The following JAK3 variants were observed in gnomAD, a reference collection of about 807,000 sequenced individuals.
The protein encoded by JAK3 is tyrosine-protein kinase JAK3.
Under a neutral mutation model 120.8 loss-of-function variants are expected in JAK3, and 88 were observed. That is an observed-to-expected ratio of 0.73 (90% confidence interval 0.61 to 0.87). JAK3 has a LOEUF of 0.87. Among genes scored for constraint, JAK3 ranks in the 40% least tolerant of loss-of-function variants. The pLI, the probability that JAK3 is intolerant of heterozygous loss-of-function variation, is 0.00. For synonymous variants in JAK3, 592 were observed against 628.6 expected (o/e 0.94, Z 0.87); for missense variants, 1,254 against 1,501.4 (o/e 0.84, Z 2.72).
rs1463817921 is a variant in JAK3, at chr19:17,825,898, CT to C, written c.*844del. The C allele has an allele frequency of 6.4e-5, 5 of 77,736 alleles. No individual in the cohort carries two copies. Among genetic ancestry groups the C allele is most frequent in the Admixed American group, 1.4e-4 (1 of 7,366 alleles). The allele number at this position is 77,736 out of a possible 1,614,324, so 4.8% of individuals were successfully genotyped here. A position where few individuals can be genotyped will look rare whatever the true frequency, so the allele number is the denominator to read the frequency against. ...CCTGGGCGACAGAGCGAGACTCCGTCTCAAAAAAAAAAAAAAAAAAAAAGCT... is the reference window on the plus strand; with the variant it reads ...CCTGGGCGACAGAGCGAGACTCCGTCCAAAAAAAAAAAAAAAAAAAAAGCT... On this transcript the variant is annotated 3_prime_UTR_variant, in exon 24 of 24. Transcript: ENST00000458235.
At chr19:17,830,877 AG>A (rs1326387871) in intron 21 of JAK3, among the ~76,000 whole-genome samples, 1 of 6,412 alleles carries the variant, frequency 1.6e-4, no homozygotes. Context: ...GAGCCGTGGG[AG>A]GGGGAGGGGC....
chr19:17,832,786 T>G lies in JAK3; in HGVS notation c.2490+4A>C, dbSNP rs745806475. The G allele has an allele frequency of 3.5e-5, 57 of 1,614,128 alleles. No homozygotes were observed. In the Admixed American group the frequency reaches 9.3e-4, roughly 26 times the overall value. On this transcript the variant is annotated splice_donor_region_variant and intron_variant, in intron 18 of 23. Transcript: ENST00000458235. This position sits in a 1 kb window ranked among gnomAD's most constrained non-coding sequence, Gnocchi z 4.7. ...CCAACCCACCCTGGCCCTGCCCACC[T>G]TACCTTGCCCAGCTGTGAGATGTAC...
chr19:17,844,598 A>G, intron 1 of JAK3, 168 bp from the exon 2 acceptor site: 1 of 621,472 alleles, frequency 1.6e-6, no homozygotes. Context: ...CAGGAGTTTG[A>G]GACCTGCCTG....
chr19:17,825,326 T>C lies in JAK3; in HGVS notation c.*1417A>G, dbSNP rs1555742271. The C allele has an allele frequency of 4.4e-6, 1 of 227,448 alleles. No individual in the cohort carries two copies. The allele number at this position is 227,448 out of a possible 1,614,324, so 14.1% of individuals were successfully genotyped here. A position where few individuals can be genotyped will look rare whatever the true frequency, so the allele number is the denominator to read the frequency against. ...CCAGGAATGCCTTTCCTTCCCTTGA[T>C]TGCGTGAAAAGTTCCTGCCAGGTTT... On this transcript the variant is annotated 3_prime_UTR_variant, in exon 24 of 24. Transcript: ENST00000458235.
In JAK3 at chr19:17,837,201, C is replaced by T; in HGVS notation, c.1714G>A (p.Ala572Thr). 1 of 1,568,784 alleles carries T rather than the reference C, an allele frequency of 6.4e-7. No individual in the cohort carries two copies. The highest frequency in any genetic ancestry group is 8.6e-7 in the Non-Finnish European group (1 of 1,156,246). The change falls in exon 13 of 24, where the codon GCA becomes ACA. Residue 572 changes from alanine (A) to threonine (T), a missense_variant. Ala to Thr is a moderately conservative substitution (Grantham distance 58, BLOSUM62 0). This residue lies in a region of JAK3 where 630 missense variants were observed against 819.8 expected (regional missense o/e 0.77). Coordinates refer to ENST00000458235, the MANE Select transcript of JAK3 (RefSeq NM_000215.4). ...GACACTTGGCTCATCAAGCTCGCTGCTTCCAGGAATGACTGGGGAAGGTGG... is the reference window on the plus strand; with the variant it reads ...GACACTTGGCTCATCAAGCTCGCTGTTTCCAGGAATGACTGGGGAAGGTGG... ...HKNCMESFLE[A>T]ASLMSQVSYR...
Position 17,834,643 on chromosome 19 carries a change from T to C in JAK3, c.2278A>G (p.Met760Val), listed in dbSNP as rs747724153. 6.3e-7 allele frequency: 1 copy of C among 1,599,054 alleles called. No homozygotes were observed. The highest frequency in any genetic ancestry group is 1.1e-5 in the South Asian group (1 of 90,782). ...GGCCTCTGGACCGGCTCATAGGCCA[T>C]GCACTGTTGAATCAGCAGGGCCAGC... ...TELALLIQQC[M>V]AYEPVQRPSF... Residue 760 changes from methionine (M) to valine (V), a missense_variant, in exon 17 of 24, where the codon ATG becomes GTG. This residue lies in a region of JAK3 where 630 missense variants were observed against 819.8 expected (regional missense o/e 0.77). Transcript: ENST00000458235.
intron 12 of JAK3, 70 bp downstream of exon 12, chr19:17,837,862 A>G (rs1277349007): frequency 2.5e-6 from 4 of 1,606,776 alleles, no homozygotes; most frequent in Non-Finnish European, 3.4e-6. Flanking sequence ...GTGTTTTTAA[A>G]TTTCTCTGCA....
At chr19:17,838,213 G>A in intron 11 of JAK3, 50 bp downstream of exon 11, 1 of 1,613,506 alleles carries the variant, frequency 6.2e-7, no homozygotes, top group Non-Finnish European at 8.5e-7. Flanking sequence ...ACGCATCTGA[G>A]TCTCTGGACC....
rs2094203954 is a variant in JAK3, at chr19:17,826,403, A to G, written c.*340T>C. 4 of 308,664 alleles carry G rather than the reference A, an allele frequency of 1.3e-5. No individual in the cohort carries two copies. The highest frequency in any genetic ancestry group is 6.3e-5 in the African/African-American group (3 of 47,480). 19.1% of individuals were successfully genotyped at this position (308,664 alleles called of 1,614,324 possible). On this transcript the variant is annotated 3_prime_UTR_variant, in exon 24 of 24. Transcript: ENST00000458235. The stretch of plus-strand genomic sequence containing the variant: ...CTGTCTCAAAAATAAAAATAAAAAT[A>G]AAAAAAATAAAAAGAGAGAGACAGA...
Position 17,826,590 on chromosome 19 carries a change from G to T in JAK3, c.*153C>A. 1 of 829,920 alleles carries T rather than the reference G, an allele frequency of 1.2e-6. No homozygotes were observed. Among genetic ancestry groups the T allele is most frequent in the Non-Finnish European group, 2.1e-6 (1 of 481,862 alleles). 51.4% of individuals were successfully genotyped at this position (829,920 alleles called of 1,614,324 possible). A position where few individuals can be genotyped will look rare whatever the true frequency, so the allele number is the denominator to read the frequency against. On this transcript the variant is annotated 3_prime_UTR_variant, in exon 24 of 24. Transcript: ENST00000458235. Reference sequence around the variant, plus strand: ...TGCAAAGGCCACAGGCTATTCTACAGGCCACGGGAGCCCCCCCAAATGCAA... The same window carrying T: ...TGCAAAGGCCACAGGCTATTCTACATGCCACGGGAGCCCCCCCAAATGCAA...
At chr19:17,830,895 T>G (rs1599866656) in intron 21 of JAK3, among the ~76,000 whole-genome samples, 1 of 2,850 alleles carries the variant, frequency 3.5e-4, no homozygotes, top group South Asian at 7.6e-3. Flanking sequence ...GGGCCAGAAC[T>G]GGGCGGGGGG....
At chr19:17,846,456 G>A (rs1325932240) in intron 1 of JAK3, among the ~76,000 whole-genome samples, 2 of 152,128 alleles carry the variant, frequency 1.3e-5, no homozygotes, top group African/African-American at 2.4e-5. Context: ...TCCTAGTCCC[G>A]GGAACCTTGG....
chr19:17,843,848 G>A lies in JAK3; in HGVS notation c.237C>T (p.Ser79=). The stretch of plus-strand genomic sequence containing the variant: ...AGATGTGGCTCGGGGGGAACCAGCA[G>A]GACAGGTCCTCCGTGGCCAGAGCAA... ...SLFALATEDL[S]CWFPPSHIFS... is the part of the protein sequence containing the mutation. The change falls in exon 3 of 24, where the codon TCC becomes TCT. Residue 79 remains serine (S), a synonymous_variant. Transcript: ENST00000458235. The surrounding 1 kb of genome is among the most constrained non-coding windows in gnomAD (Gnocchi z 5.4). The A allele has an allele frequency of 1.2e-6, 2 of 1,613,524 alleles. No homozygotes were observed. The highest frequency in any genetic ancestry group is 1.7e-6 in the Non-Finnish European group (2 of 1,179,972).
rs199830351 is a variant in JAK3, at chr19:17,832,505, G to A, written c.2680+14C>T. The A allele has an allele frequency of 1.1e-5, 18 of 1,613,790 alleles. No homozygotes were observed. Among genetic ancestry groups the A allele is most frequent in the East Asian group, 4.5e-5 (2 of 44,890 alleles). On this transcript the variant is annotated intron_variant, in intron 19 of 23. Coordinates refer to ENST00000458235, the MANE Select transcript of JAK3 (RefSeq NM_000215.4). The surrounding 1 kb of genome is among the most constrained non-coding windows in gnomAD (Gnocchi z 4.7). ...CCCATACGTCTTGGTTCACTCATCCGGGAGCTGGCTCACCCGGGCCATAGC... is the reference window on the plus strand; with the variant it reads ...CCCATACGTCTTGGTTCACTCATCCAGGAGCTGGCTCACCCGGGCCATAGC...
At chr19:17,839,711 C>G in intron 9 of JAK3, 48 bp from the exon 10 acceptor site, 1 of 1,353,148 alleles carries the variant, frequency 7.4e-7, no homozygotes, top group South Asian at 1.3e-5. Flanking sequence ...CAGACACTCT[C>G]CTTCTCAGTC....
In JAK3 at chr19:17,825,567, A is replaced by G. The variant is rs548595316; in HGVS notation, c.*1176T>C. 1 of 194,936 alleles carries G rather than the reference A, an allele frequency of 5.1e-6. No individual in the cohort carries two copies. The highest frequency in any genetic ancestry group is 2.3e-5 in the African/African-American group (1 of 43,192). 12.1% of individuals were successfully genotyped at this position (194,936 alleles called of 1,614,324 possible). Reference sequence around the variant, plus strand: ...TGCTCTTGTCCTTGGCTTCCTCCAGAGAAACAGAGATCGGGGAGCAGAAGT... The same window carrying G: ...TGCTCTTGTCCTTGGCTTCCTCCAGGGAAACAGAGATCGGGGAGCAGAAGT... On this transcript the variant is annotated 3_prime_UTR_variant, in exon 24 of 24. Coordinates refer to ENST00000458235, the MANE Select transcript of JAK3 (RefSeq NM_000215.4).
chr19:17,844,307 G>A lies in JAK3; in HGVS notation c.111C>T (p.Pro37=). ...CAAAGGAGAAAGATAGGCGCTGGGGGGGCCCGGGGCCCCGAGCGGGCAGCA... is the reference window on the plus strand; with the variant it reads ...CAAAGGAGAAAGATAGGCGCTGGGGAGGCCCGGGGCCCCGAGCGGGCAGCA... ...HVLLPARGPG[P]PQRLSFSFGD... Residue 37 remains proline, a synonymous_variant, in exon 2 of 24, where the codon CCC becomes CCT. Transcript: ENST00000458235. 1 of 1,608,248 alleles carries A rather than the reference G, an allele frequency of 6.2e-7. No individual in the cohort carries two copies. Among genetic ancestry groups the A allele is most frequent in the African/African-American group, 1.3e-5 (1 of 74,966 alleles).
chr19:17,840,548 G>A (rs1006094934), intron 8 of JAK3, among the ~76,000 whole-genome samples: 13 of 150,374 alleles, frequency 8.6e-5, no homozygotes, highest in African/African-American at 2.9e-4. Context: ...TGGATCACGA[G>A]GTCAGGAGAT....
Position 17,842,194 on chromosome 19 carries a change from A to C in JAK3, c.861+122T>G. 9.1e-7 allele frequency: 1 copy of C among 1,104,776 alleles called. No individual in the cohort carries two copies. The highest frequency in any genetic ancestry group is 2.6e-5 in the East Asian group (1 of 38,158). 68.4% of individuals were successfully genotyped at this position (1,104,776 alleles called of 1,614,324 possible). A position where few individuals can be genotyped will look rare whatever the true frequency, so the allele number is the denominator to read the frequency against. On this transcript the variant is annotated intron_variant, in intron 6 of 23. Transcript: ENST00000458235. The surrounding 1 kb of genome is among the most constrained non-coding windows in gnomAD (Gnocchi z 6.4). ...CCTCACTAAGCCCCGCCCCTCATTA[A>C]GCCTCGCCCACTTCCCCAAGTCTTT...
Sources: gnomAD v4.1 joint callset for allele counts (sites outside exome capture counted in the v4.1 genomes callset) on GRCh38, gnomAD v4.1.1 for gene constraint, gnomAD v4.1.1 regional missense constraint, Gnocchi (gnomAD v3.1) non-coding constraint, MANE v1.5 for transcripts, NCBI Gene and HGNC (gene_info 2026-07-23, HGNC 2026-07-21) for gene names.